LYN: variants seen among roughly 807,000 people sequenced by gnomAD.
LYN encodes LYN proto-oncogene, Src family tyrosine kinase, also known as tyrosine-protein kinase Lyn.
LYN carries 12 observed loss-of-function variants against 65.0 expected under a neutral mutation model. That is an observed-to-expected ratio of 0.18 (90% confidence interval 0.12 to 0.30). LYN has a LOEUF of 0.30. LYN is among the 10% of genes least tolerant of loss of function. LYN has a pLI of 1.00. For missense variants in LYN, 380 were observed against 623.2 expected, an observed-to-expected ratio of 0.61 and a Z score of 4.16; for synonymous variants, 222 against 221.2, an observed-to-expected ratio of 1.00 and a Z score of -0.03.
chr8:55,984,779 G>A (rs772346964), intron 10 of LYN, among the ~76,000 whole-genome samples: 6 of 152,216 alleles, frequency 3.9e-5, no homozygotes, highest in Non-Finnish European at 2.9e-5. Context: ...GGCTTCACTC[G>A]GAATGCAGGG....
intron 1 of LYN, among the ~76,000 whole-genome samples, chr8:55,891,221 G>A: frequency 6.6e-6 from 1 of 151,918 alleles, no homozygotes. Context: ...ACATGGTGGT[G>A]CATGCCTGTA....
rs1806781250 is a variant in LYN, at chr8:55,946,466, T to C, written c.151T>C (p.Leu51=). The change falls in exon 3 of 13, where the codon TTA becomes CTA. Residue 51 remains leucine, a synonymous_variant. Coordinates refer to ENST00000519728, the MANE Select transcript of LYN (RefSeq NM_002350.4). ...QQRPVPESQL[L]PGQRFQTKDP... The stretch of plus-strand genomic sequence containing the variant: ...CTCGTAGGTTCCAGAATCTCAGCTT[T>C]TACCTGGACAGAGGTTTCAAACTAA... 4 of 1,611,044 alleles carry C rather than the reference T, an allele frequency of 2.5e-6. No homozygotes were observed. The African/African-American group carries it at 5.3e-5, about 22-fold the overall frequency.
intron 1 of LYN, among the ~76,000 whole-genome samples, chr8:55,939,716 C>T (rs1029481218): frequency 2.6e-5 from 4 of 152,134 alleles, no homozygotes; most frequent in Admixed American, 2.0e-4. Flanking sequence ...AACGTATTTG[C>T]CCATTTGTAA....
Position 55,911,261 on chromosome 8 carries a change from A to G in LYN, c.-5-30594A>G, listed in dbSNP as rs866127667. On this transcript the variant is annotated intron_variant, in intron 1 of 12. Transcript: ENST00000519728. ...TATATATATACGTGTGTGTGTGTAT[A>G]TATATATATATATATATATATATAT... is the stretch of plus-strand genomic sequence containing the variant. 1.6e-3 allele frequency among the ~76,000 whole-genome samples: 23 copies of G among 14,212 alleles called. 1 individual carries two copies. The highest frequency in any genetic ancestry group is 2.0e-3 in the Non-Finnish European group (18 of 9,098). The allele number at this position is 14,212 out of a possible 152,430, so 9.3% of individuals were successfully genotyped here. A position where few individuals can be genotyped will look rare whatever the true frequency, so the allele number is the denominator to read the frequency against.
chr8:56,003,562 A>T lies in LYN; in HGVS notation c.1336+4013A>T, dbSNP rs540971243. On this transcript the variant is annotated intron_variant, in intron 12 of 12. Coordinates refer to ENST00000519728, the MANE Select transcript of LYN (RefSeq NM_002350.4). The stretch of plus-strand genomic sequence containing the variant: ...CAACGCCTGTAATCCTAGCTACTTG[A>T]GAGGCTGAGGCAGAGAATCGCTTGA... 3.3e-5 allele frequency among the ~76,000 whole-genome samples: 5 copies of T among 151,990 alleles called. No homozygotes were observed. In the South Asian group the frequency reaches 1.0e-3, roughly 32 times the overall value.
chr8:55,996,951 T>A (rs2130580023), intron 10 of LYN, among the ~76,000 whole-genome samples: 1 of 151,894 alleles, frequency 6.6e-6, no homozygotes, highest in African/African-American at 2.4e-5. Context: ...TGAAACCCCA[T>A]CTCTACTAAA....
chr8:55,997,548 A>G (rs1378406877), intron 10 of LYN, among the ~76,000 whole-genome samples: 1 of 151,976 alleles, frequency 6.6e-6, no homozygotes, highest in East Asian at 1.9e-4. Context: ...AAGGGCACTA[A>G]TCCCATTCGT....
At chr8:55,970,405 G>T (rs908946560) in intron 10 of LYN, among the ~76,000 whole-genome samples, 1 of 152,162 alleles carries the variant, frequency 6.6e-6, no homozygotes, top group East Asian at 1.9e-4. Flanking sequence ...CCCACAATGT[G>T]CCCAAAATAT....
chr8:55,919,633 A>C (rs879583654), intron 1 of LYN, among the ~76,000 whole-genome samples: 16 of 152,180 alleles, frequency 1.1e-4, no homozygotes, highest in Admixed American at 6.5e-4. Context: ...AGAAAAACCC[A>C]TGCCCGTGGG....
chr8:55,932,486 A>G (rs1806300211), intron 1 of LYN, among the ~76,000 whole-genome samples: 2 of 151,912 alleles, frequency 1.3e-5, no homozygotes, highest in Admixed American at 1.3e-4. Flanking sequence ...CAGTGGTGCT[A>G]TCTTGGCTCA....
At chr8:56,009,831 A>G in intron 12 of LYN, 77 bp from the exon 13 acceptor site, 1 of 1,151,054 alleles carries the variant, frequency 8.7e-7, no homozygotes, top group South Asian at 1.3e-5. Flanking sequence ...GAGCAAAAAG[A>G]CCACTGCAGT....
intron 12 of LYN, among the ~76,000 whole-genome samples, chr8:56,006,625 G>A (rs975399099): frequency 1.3e-5 from 2 of 152,218 alleles, no homozygotes; most frequent in African/African-American, 4.8e-5. Flanking sequence ...TGACTGGGCT[G>A]TGTGCCATTT....
chr8:55,962,136 C>T (rs1178461345), intron 8 of LYN, among the ~76,000 whole-genome samples: 1 of 152,190 alleles, frequency 6.6e-6, no homozygotes, highest in Non-Finnish European at 1.5e-5. Context: ...CATTCATCTT[C>T]ATTCCATGTG....
intron 1 of LYN, among the ~76,000 whole-genome samples, chr8:55,911,102 T>TATATATATATACAC (rs373111685): frequency 3.5e-5 from 1 of 28,856 alleles, no homozygotes; most frequent in Non-Finnish European, 6.3e-5. Flanking sequence ...TATATATACA[T>TATATATATATACAC]ACACGTATAT....
chr8:55,968,836 A>C (rs953024249), intron 9 of LYN, among the ~76,000 whole-genome samples: 5 of 152,230 alleles, frequency 3.3e-5, no homozygotes, highest in Admixed American at 6.5e-5. Context: ...CAACTTGACC[A>C]AGGCTACCCG....
intron 1 of LYN, 97 bp from the exon 2 acceptor site, chr8:55,941,758 A>G (rs1280235070): frequency 4.9e-6 from 4 of 814,936 alleles, no homozygotes; most frequent in Non-Finnish European, 7.8e-6. Context: ...AAAGAATAAA[A>G]GTATATTTTT....
chr8:55,888,137 T>C (rs1804855726), intron 1 of LYN, among the ~76,000 whole-genome samples: 1 of 152,200 alleles, frequency 6.6e-6, no homozygotes, highest in South Asian at 2.1e-4. Context: ...AGTATTCAGT[T>C]TAGCAAACTT....
intron 1 of LYN, among the ~76,000 whole-genome samples, chr8:55,917,267 C>G (rs765300787): frequency 5.9e-5 from 9 of 152,054 alleles, no homozygotes; most frequent in Non-Finnish European, 1.0e-4. Context: ...GTCACTGCAG[C>G]CTTGAACTCC....
At chr8:55,899,320 A>G (rs1805197354) in intron 1 of LYN, among the ~76,000 whole-genome samples, 1 of 152,220 alleles carries the variant, frequency 6.6e-6, no homozygotes, top group African/African-American at 2.4e-5. Context: ...TACTAAGTAA[A>G]TGGAACCCAA....
Sources: allele counts gnomAD v4.1 joint callset (sites outside exome capture counted in the v4.1 genomes callset), GRCh38; gene constraint gnomAD v4.1.1; transcripts MANE v1.5; gene names NCBI Gene and HGNC (gene_info 2026-07-23, HGNC 2026-07-21).